The following ZNF713 variants were observed in gnomAD, a reference collection of about 807,000 sequenced individuals.
The protein encoded by ZNF713 is zinc finger protein 713.
Under a neutral mutation model 28.7 loss-of-function variants are expected in ZNF713, and 21 were observed. The ratio of observed to expected loss-of-function variants is 0.73; its 90% CI spans 0.52 to 1.05. The LOEUF is 1.05. ZNF713 is among the 50% of genes least tolerant of loss of function. The pLI, the probability that ZNF713 is intolerant of heterozygous loss-of-function variation, is 0.00. For synonymous variants in ZNF713, 167 were observed against 178.0 expected, an observed-to-expected ratio of 0.94 and a Z score of 0.49; for missense variants, 458 against 532.4, an observed-to-expected ratio of 0.86 and a Z score of 1.37.
At chr7:55,923,129 T>C in intron 4 of ZNF713, 33 bp from the exon 5 acceptor site, 2 of 1,587,258 alleles carry the variant, frequency 1.3e-6, no homozygotes, top group South Asian at 2.3e-5. Flanking sequence ...AAGAACCGTT[T>C]TTGCCTGAGC....
At chr7:55,912,968 GAAAAC>G (rs1218973333) in intron 4 of ZNF713, among the ~76,000 whole-genome samples, 1 of 152,098 alleles carries the variant, frequency 6.6e-6, no homozygotes, top group Non-Finnish European at 1.5e-5. Context: ...ACGCTGTGAA[GAAAAC>G]AAAACAATGG....
chr7:55,891,849 G>T (rs1160137486), intron 1 of ZNF713, among the ~76,000 whole-genome samples: 1 of 151,666 alleles, frequency 6.6e-6, no homozygotes, highest in Non-Finnish European at 1.5e-5. Flanking sequence ...TAGAAATCAG[G>T]AGAGAAAAAA....
In ZNF713 at chr7:55,933,708, T is replaced by C. The variant is rs530277411; in HGVS notation, c.308-5274T>C. ...TAATTTTTGTTTTGTTTTGTTTTTGTCGTTGTTGTTTGCGAGACAGGGTCT... is the reference window on the plus strand; with the variant it reads ...TAATTTTTGTTTTGTTTTGTTTTTGCCGTTGTTGTTTGCGAGACAGGGTCT... On this transcript the variant is annotated intron_variant, in intron 6 of 6. Coordinates refer to ENST00000429591, the MANE Select transcript of ZNF713 (RefSeq NM_182633.3). 2.6e-5 allele frequency among the ~76,000 whole-genome samples: 4 copies of C among 152,314 alleles called. No individual in the cohort carries two copies. The South Asian group carries it at 6.2e-4, about 24-fold the overall frequency.
chr7:55,933,023 G>A (rs1786272618), intron 6 of ZNF713, among the ~76,000 whole-genome samples: 1 of 151,532 alleles, frequency 6.6e-6, no homozygotes, highest in Non-Finnish European at 1.5e-5. Flanking sequence ...GAATCACAAG[G>A]TCAGGAGTTC....
In ZNF713 at chr7:55,942,047, G is replaced by C. The variant is rs1485514151; in HGVS notation, c.*2041G>C. On this transcript the variant is annotated 3_prime_UTR_variant, in exon 7 of 7. Transcript: ENST00000429591. Reference sequence around the variant, plus strand: ...TTATTTCTGCTGTATTTGTAGAACAGAAGTTTTGGGATTTTGTAAAATAAT... The same window carrying C: ...TTATTTCTGCTGTATTTGTAGAACACAAGTTTTGGGATTTTGTAAAATAAT... 1 of 152,020 alleles carries C rather than the reference G, an allele frequency of 6.6e-6. No homozygotes were observed. The highest frequency in any genetic ancestry group is 1.5e-5 in the Non-Finnish European group (1 of 68,010). 9.4% of individuals were successfully genotyped at this position (152,020 alleles called of 1,614,324 possible). A position where few individuals can be genotyped will look rare whatever the true frequency, so the allele number is the denominator to read the frequency against.
chr7:55,905,930 C>T (rs1259415199), intron 1 of ZNF713, among the ~76,000 whole-genome samples: 2 of 151,780 alleles, frequency 1.3e-5, no homozygotes, highest in Admixed American at 6.6e-5. Flanking sequence ...GATGAAACCC[C>T]GTCTCTACTA....
chr7:55,892,925 C>T (rs1785415089), intron 1 of ZNF713, among the ~76,000 whole-genome samples: 1 of 151,714 alleles, frequency 6.6e-6, no homozygotes, highest in Non-Finnish European at 1.5e-5. Context: ...CAAATTTACC[C>T]AGGCTGGAGT....
chr7:55,919,875 T>A (rs1217400919), intron 4 of ZNF713, among the ~76,000 whole-genome samples: 2 of 152,108 alleles, frequency 1.3e-5, no homozygotes, highest in Non-Finnish European at 2.9e-5. Flanking sequence ...TATTTTTTTT[T>A]TTATTATACT....
At chr7:55,888,871 G>A (rs1464451561) in intron 1 of ZNF713, among the ~76,000 whole-genome samples, 1 of 151,976 alleles carries the variant, frequency 6.6e-6, no homozygotes, top group East Asian at 2.0e-4. Flanking sequence ...AACATGGCAA[G>A]ACCCTGTTGC....
chr7:55,905,498 A>G (rs901030039), intron 1 of ZNF713, among the ~76,000 whole-genome samples: 1 of 152,074 alleles, frequency 6.6e-6, no homozygotes, highest in Non-Finnish European at 1.5e-5. Flanking sequence ...CCAGTGTAAC[A>G]GACATAAAAT....
intron 1 of ZNF713, among the ~76,000 whole-genome samples, chr7:55,892,107 G>A (rs1287217662): frequency 1.3e-5 from 2 of 151,524 alleles, no homozygotes; most frequent in African/African-American, 2.4e-5. Flanking sequence ...GTGAAACCCC[G>A]TCTCTACTAA....
At chr7:55,928,901 G>A (rs1786154262) in intron 6 of ZNF713, among the ~76,000 whole-genome samples, 1 of 151,420 alleles carries the variant, frequency 6.6e-6, no homozygotes, top group African/African-American at 2.4e-5. Flanking sequence ...TGAGACTGAG[G>A]CAGGTGGATT....
chr7:55,913,590 G>A (rs527291293), intron 4 of ZNF713, among the ~76,000 whole-genome samples: 24 of 152,214 alleles, frequency 1.6e-4, no homozygotes, highest in African/African-American at 3.4e-4. Flanking sequence ...AAAACTAGTC[G>A]AATGCTTTGG....
chr7:55,922,190 G>A (rs868111618), intron 4 of ZNF713, among the ~76,000 whole-genome samples: 3 of 149,752 alleles, frequency 2.0e-5, no homozygotes, highest in African/African-American at 4.9e-5. Context: ...GCCTCCCAAA[G>A]TGTTGGGATT....
chr7:55,931,548 A>T (rs1786209919), intron 6 of ZNF713, among the ~76,000 whole-genome samples: 1 of 150,080 alleles, frequency 6.7e-6, no homozygotes, highest in Non-Finnish European at 1.5e-5. Context: ...TTTCTCCCTA[A>T]TTCTCTCCCT....
Position 55,896,578 on chromosome 7 carries a change from A to AAT in ZNF713, c.-583+8905_-583+8906dup, listed in dbSNP as rs1032488883. Among the ~76,000 whole-genome samples, 8 of 138,238 alleles carry AAT rather than the reference A, an allele frequency of 5.8e-5. No individual in the cohort carries two copies. In the East Asian group the frequency reaches 8.8e-4, roughly 15 times the overall value. The allele number at this position is 138,238 out of a possible 152,430, so 90.7% of individuals were successfully genotyped here. On this transcript the variant is annotated intron_variant, in intron 1 of 6. Transcript: ENST00000429591. ...ATATCAGTATGAACTCATGATATTT[A>AAT]ATATATATGTGTGTGTGTGTGTGTA...
At chr7:55,906,697 G>T (rs1009169413) in intron 2 of ZNF713, among the ~76,000 whole-genome samples, 3 of 152,072 alleles carry the variant, frequency 2.0e-5, no homozygotes, top group Non-Finnish European at 4.4e-5. Flanking sequence ...TTTGGGAATT[G>T]GGGCTTGGTT....
At chr7:55,891,597 G>A (rs1785380590) in intron 1 of ZNF713, among the ~76,000 whole-genome samples, 1 of 152,118 alleles carries the variant, frequency 6.6e-6, no homozygotes, top group Non-Finnish European at 1.5e-5. Flanking sequence ...GAAGGCTGAG[G>A]AAGGAGGAGC....
chr7:55,928,125 G>A lies in ZNF713; in HGVS notation c.307+4426G>A, dbSNP rs548483081. 3.3e-5 allele frequency among the ~76,000 whole-genome samples: 5 copies of A among 152,200 alleles called. No homozygotes were observed. In the East Asian group the frequency reaches 9.7e-4, roughly 29 times the overall value. ...TGGGAAGGCAGGTAGAGGACTCATG[G>A]TACATTTGCTGAAGCTTACAAGAGT... On this transcript the variant is annotated intron_variant, in intron 6 of 6. Coordinates refer to ENST00000429591, the MANE Select transcript of ZNF713 (RefSeq NM_182633.3).
Sources: gnomAD v4.1 joint callset for allele counts (sites outside exome capture counted in the v4.1 genomes callset) on GRCh38, gnomAD v4.1.1 for gene constraint, MANE v1.5 for transcripts, NCBI Gene and HGNC (gene_info 2026-07-23, HGNC 2026-07-21) for gene names.